SETX: variants seen among roughly 807,000 people sequenced by gnomAD.
The protein encoded by SETX is senataxin.
In SETX, 90 loss-of-function variants were observed where a neutral mutation model predicts 227.2. That is an observed-to-expected ratio of 0.40 (90% CI 0.33 to 0.47). SETX has a LOEUF of 0.47. Ranked by LOEUF, SETX falls within the 20% of genes least tolerant of loss-of-function variation. SETX has a pLI of 0.91. For missense variants in SETX, 3,052 were observed against 3,181.5 expected, an observed-to-expected ratio of 0.96 and a Z score of 0.98; for synonymous variants, 1,210 against 1,113.2, an observed-to-expected ratio of 1.09 and a Z score of -1.73.
In SETX at chr9:132,333,414, T is replaced by C. The variant is rs868500385; in HGVS notation, c.838+1194A>G. 4.1e-4 allele frequency among the ~76,000 whole-genome samples: 42 copies of C among 103,370 alleles called. 1 individual carries two copies. The highest frequency in any genetic ancestry group is 1.7e-3 in the African/African-American group (37 of 21,770). 67.8% of individuals were successfully genotyped at this position (103,370 alleles called of 152,430 possible). A position where few individuals can be genotyped will look rare whatever the true frequency, so the allele number is the denominator to read the frequency against. On this transcript the variant is annotated intron_variant, in intron 7 of 25. Transcript: ENST00000224140. ...AAAAAAAAAGAAAAAAAAAAATATA[T>C]ATACACACACACACACACACACACA...
In SETX at chr9:132,264,934, T is replaced by C. The variant is rs757267061; in HGVS notation, c.7339A>G (p.Ile2447Val). 4 of 1,614,188 alleles carry C rather than the reference T, an allele frequency of 2.5e-6. No homozygotes were observed. Among genetic ancestry groups the C allele is most frequent in the Non-Finnish European group, 3.4e-6 (4 of 1,180,032 alleles). The change falls in exon 26 of 26, where the codon ATT becomes GTT. Residue 2447 changes from isoleucine (I) to valine (V), a missense_variant. Ile to Val is a conservative substitution (Grantham distance 29). Coordinates refer to ENST00000224140, the MANE Select transcript of SETX (RefSeq NM_015046.7). ...LIQDAQKRGAIIKTCDKNYRH... is the reference protein window; with the variant it reads ...LIQDAQKRGAVIKTCDKNYRH... ...TAGTTTTTGTCACAGGTCTTAATAA[T>C]GGCACCACGCTTCTGAGCATCCTGA...
chr9:132,278,777 A>C (rs1243625313), intron 20 of SETX, among the ~76,000 whole-genome samples: 1 of 152,254 alleles, frequency 6.6e-6, no homozygotes, highest in Non-Finnish European at 1.5e-5. Flanking sequence ...CACAGATTTT[A>C]ACAATTATTT....
intron 3 of SETX, among the ~76,000 whole-genome samples, chr9:132,347,697 CCT>C (rs1393853151): frequency 6.6e-6 from 1 of 151,900 alleles, no homozygotes; most frequent in Non-Finnish European, 1.5e-5. Context: ...GAAGCTGGAG[CCT>C]CTCTGTCAAA....
intron 25 of SETX, among the ~76,000 whole-genome samples, chr9:132,266,454 A>G (rs941742670): frequency 1.3e-5 from 2 of 152,176 alleles, no homozygotes; most frequent in African/African-American, 4.8e-5. Flanking sequence ...TTTTCTGATA[A>G]GACAAGATAA....
intron 11 of SETX, among the ~76,000 whole-genome samples, chr9:132,302,660 CAAAAAAAAAA>C (rs35647306): frequency 1.5e-4 from 5 of 33,318 alleles, no homozygotes; most frequent in Admixed American, 4.6e-4. Context: ...GACTTTGTCT[CAAAAAAAAAA>C]AAAAAAAAAG....
rs113022117 is a variant in SETX, at chr9:132,289,022, T to C, written c.6107-371A>G. On this transcript the variant is annotated intron_variant, in intron 15 of 25. Transcript: ENST00000224140. Reference sequence around the variant, plus strand: ...TGAGATAAAATAAACGAAGCAGTTCTCTCATGTTGGGGAAAGGGCTTGTGG... The same window carrying C: ...TGAGATAAAATAAACGAAGCAGTTCCCTCATGTTGGGGAAAGGGCTTGTGG... Among the ~76,000 whole-genome samples the C allele has an allele frequency of 6.8e-3, 1,030 of 152,308 alleles. 14 individuals are homozygous for C. The highest frequency in any genetic ancestry group is 0.023 in the African/African-American group (964 of 41,564).
intron 18 of SETX, among the ~76,000 whole-genome samples, chr9:132,285,070 G>T (rs1362032870): frequency 1.3e-5 from 2 of 151,900 alleles, no homozygotes; most frequent in Non-Finnish European, 2.9e-5. Flanking sequence ...TTAGAGACGG[G>T]GTTTCACTGT....
intron 11 of SETX, among the ~76,000 whole-genome samples, chr9:132,305,744 G>A (rs1198550683): frequency 2.0e-5 from 3 of 152,180 alleles, no homozygotes; most frequent in Non-Finnish European, 4.4e-5. Flanking sequence ...AGAGAATGAG[G>A]ACCTAAGTGT....
rs754443246 is a variant in SETX, at chr9:132,328,498, T to G, written c.3100A>C (p.Thr1034Pro). ...DERILSLEKLTKQDKICLERE... is the reference protein window; with the variant it reads ...DERILSLEKLPKQDKICLERE... The stretch of plus-strand genomic sequence containing the variant: ...TCAAGGCATATTTTGTCCTGTTTAG[T>G]GAGTTTCTCAAGACTCAGGATTCTT... Residue 1034 changes from threonine (T) to proline (P), a missense_variant, in exon 10 of 26, where the codon ACT (threonine) becomes CCT (proline). Transcript: ENST00000224140. The G allele has an allele frequency of 6.2e-7, 1 of 1,613,946 alleles. No individual in the cohort carries two copies. Among genetic ancestry groups the G allele is most frequent in the South Asian group, 1.1e-5 (1 of 91,068 alleles).
intron 10 of SETX, among the ~76,000 whole-genome samples, chr9:132,318,875 T>C (rs1415934468): frequency 6.6e-6 from 1 of 152,186 alleles, no homozygotes; most frequent in African/African-American, 2.4e-5. Context: ...TCTACTTTAA[T>C]TCCCATCTAT....
At chr9:132,298,334 A>G (rs1844796332) in intron 12 of SETX, 22 bp from the exon 13 acceptor site, 1 of 1,583,926 alleles carries the variant, frequency 6.3e-7, no homozygotes, top group Non-Finnish European at 8.7e-7. Flanking sequence ...AAAGAGAAAA[A>G]GCAACTTCAG....
intron 13 of SETX, 144 bp downstream of exon 13, chr9:132,297,936 T>G (rs1844765319): frequency 2.8e-6 from 2 of 712,358 alleles, no homozygotes; most frequent in African/African-American, 1.8e-5. Context: ...ATTACATACT[T>G]TGCAATACTA....
At chr9:132,296,244 CACTT>C (rs1160897866) in intron 14 of SETX, among the ~76,000 whole-genome samples, 2 of 152,176 alleles carry the variant, frequency 1.3e-5, no homozygotes, top group Non-Finnish European at 2.9e-5. Flanking sequence ...CTTTATCATC[CACTT>C]ACTTTAATGA....
intron 5 of SETX, among the ~76,000 whole-genome samples, chr9:132,337,095 GTTTTT>G (rs573857220): frequency 6.6e-6 from 1 of 151,354 alleles, no homozygotes; most frequent in Non-Finnish European, 1.5e-5. Context: ...AATATTTTTC[GTTTTT>G]TTTAAGTCTT....
rs55730956 is a variant in SETX at position 132,335,201 on chromosome 9, T to C, written c.719-474A>G. Among the ~76,000 whole-genome samples, 868 of 151,574 alleles carry C rather than the reference T, an allele frequency of 5.7e-3. 9 individuals carry two copies. The highest frequency in any genetic ancestry group is 0.018 in the African/African-American group (752 of 41,344). Reference sequence around the variant, plus strand: ...GTCAGGAGATCGAGACCATCCTGGCTAACATGGTGAAACCCCGTCTCTACT... The same window carrying C: ...GTCAGGAGATCGAGACCATCCTGGCCAACATGGTGAAACCCCGTCTCTACT... On this transcript the variant is annotated intron_variant, in intron 6 of 25. Coordinates refer to ENST00000224140, the MANE Select transcript of SETX (RefSeq NM_015046.7).
Position 132,295,858 on chromosome 9 carries a change from CA to C in SETX, c.6106+13del. 1.9e-6 allele frequency: 3 copies of C among 1,609,982 alleles called. No homozygotes were observed. The highest frequency in any genetic ancestry group is 2.7e-5 in the African/African-American group (2 of 74,968). On this transcript the variant is annotated intron_variant, in intron 15 of 25. Transcript: ENST00000224140. ...AAAACAAAAACAAATTTAAAATCCA[CA>C]AAAGTATCATACCTAAAGGATTCTT...
At chr9:132,277,840 TG>T (rs946344131) in intron 21 of SETX, among the ~76,000 whole-genome samples, 1 of 144,734 alleles carries the variant, frequency 6.9e-6, no homozygotes, top group African/African-American at 2.6e-5. Context: ...TATACCAAAA[TG>T]TTACCAGTGA....
intron 6 of SETX, among the ~76,000 whole-genome samples, chr9:132,335,210 GA>G (rs1564554242): frequency 1.3e-5 from 2 of 151,534 alleles, no homozygotes; most frequent in Non-Finnish European, 2.9e-5. Flanking sequence ...CTAACATGGT[GA>G]AACCCCGTCT....
Position 132,264,603 on chromosome 9 carries a change from T to TC in SETX, c.7669dup (p.Asp2557GlyfsTer67). On this transcript the variant is annotated frameshift_variant, in exon 26 of 26. Coordinates refer to ENST00000224140, the MANE Select transcript of SETX (RefSeq NM_015046.7). LOFTEE classifies it low-confidence loss of function (END_TRUNC). Reference sequence around the variant, plus strand: ...ATGCTGGGGGCTCGAGGGTTGTGGATCCCAAAGGAATATTCCTCCTTTGAC... The same window carrying TC: ...ATGCTGGGGGCTCGAGGGTTGTGGATCCCCAAAGGAATATTCCTCCTTTGAC... 1 of 1,614,126 alleles carries TC rather than the reference T, an allele frequency of 6.2e-7. No individual in the cohort carries two copies. The highest frequency in any genetic ancestry group is 8.5e-7 in the Non-Finnish European group (1 of 1,180,026).
Sources: gnomAD v4.1 joint callset for allele counts (sites outside exome capture counted in the v4.1 genomes callset) on GRCh38, gnomAD v4.1.1 for gene constraint, MANE v1.5 for transcripts, NCBI Gene and HGNC (gene_info 2026-07-23, HGNC 2026-07-21) for gene names.